ITCH: variants seen among roughly 807,000 people sequenced by gnomAD.
The protein encoded by ITCH is E3 ubiquitin-protein ligase Itchy homolog.
ITCH carries 28 observed loss-of-function variants against 126.8 expected under a neutral mutation model. The ratio of observed to expected loss-of-function variants is 0.22; its 90% CI spans 0.16 to 0.30. The LOEUF (loss-of-function observed/expected upper bound fraction) is 0.30, where lower values mean the gene tolerates loss of function less well. ITCH is among the 10% of genes least tolerant of loss of function. The probability of loss-of-function intolerance (pLI) is 1.00; values close to 1 mark genes in which losing one functional copy is unlikely to be tolerated. For missense variants in ITCH, 631 were observed against 1,032.4 expected, an observed-to-expected ratio of 0.61 and a Z score of 5.33; for synonymous variants, 342 against 340.0, an observed-to-expected ratio of 1.01 and a Z score of -0.06.
At chr20:34,372,032 C>A (rs538500362) in intron 2 of ITCH, among the ~76,000 whole-genome samples, 1 of 151,996 alleles carries the variant, frequency 6.6e-6, no homozygotes, top group African/African-American at 2.4e-5. Flanking sequence ...TTCGGCCGGC[C>A]GCGGTGGCTC....
At chr20:34,507,271 T>C (rs1990682283) in intron 24 of ITCH, among the ~76,000 whole-genome samples, 1 of 71,090 alleles carries the variant, frequency 1.4e-5, no homozygotes, top group Non-Finnish European at 3.5e-5. Flanking sequence ...CTGTTTTTTT[T>C]TTTTTTTTTT....
chr20:34,390,127 A>AG (rs1289363260), intron 2 of ITCH, among the ~76,000 whole-genome samples: 1 of 151,604 alleles, frequency 6.6e-6, no homozygotes, highest in African/African-American at 2.4e-5. Flanking sequence ...CTCAAAAAAA[A>AG]AAAGAAAAAA....
At chr20:34,419,237 T>C (rs1314017739) in intron 6 of ITCH, among the ~76,000 whole-genome samples, 1 of 152,194 alleles carries the variant, frequency 6.6e-6, no homozygotes, top group Non-Finnish European at 1.5e-5. Flanking sequence ...ATTTAATATG[T>C]GTAAGATATA....
intron 2 of ITCH, among the ~76,000 whole-genome samples, chr20:34,382,238 A>G (rs1238486822): frequency 1.3e-5 from 2 of 152,086 alleles, no homozygotes; most frequent in African/African-American, 4.8e-5. Flanking sequence ...CCTAGTATTG[A>G]GGGCTCTTGG....
chr20:34,443,999 AC>A (rs1423485403), intron 10 of ITCH, among the ~76,000 whole-genome samples: 1 of 152,102 alleles, frequency 6.6e-6, no homozygotes, highest in Non-Finnish European at 1.5e-5. Context: ...GCATCTGCCC[AC>A]CATAATTATG....
intron 7 of ITCH, among the ~76,000 whole-genome samples, chr20:34,437,662 A>G (rs1363326719): frequency 6.6e-6 from 1 of 152,166 alleles, no homozygotes; most frequent in Admixed American, 6.5e-5. Flanking sequence ...TGAAATTCCT[A>G]GGAGTATGGG....
intron 3 of ITCH, among the ~76,000 whole-genome samples, chr20:34,398,785 C>T (rs564196481): frequency 1.3e-5 from 2 of 151,836 alleles, no homozygotes; most frequent in African/African-American, 2.4e-5. Flanking sequence ...TGAGAATGCT[C>T]AAGTGTAGGG....
At chr20:34,425,111 G>C (rs1981322575) in intron 7 of ITCH, among the ~76,000 whole-genome samples, 1 of 152,200 alleles carries the variant, frequency 6.6e-6, no homozygotes, top group African/African-American at 2.4e-5. Context: ...TTGAGATGCT[G>C]TTAATCTGTA....
chr20:34,501,719 G>A (rs1394573952), intron 23 of ITCH, among the ~76,000 whole-genome samples: 2 of 147,598 alleles, frequency 1.4e-5, no homozygotes, highest in Non-Finnish European at 3.0e-5. Flanking sequence ...AGGTTGCAGT[G>A]AGCCAAGATC....
intron 23 of ITCH, among the ~76,000 whole-genome samples, chr20:34,495,282 AT>A: frequency 7.6e-6 from 1 of 130,820 alleles, no homozygotes; most frequent in African/African-American, 2.9e-5. Flanking sequence ...AAATAAATAA[AT>A]AAATAAATAA....
chr20:34,417,482 C>G (rs1177049456), intron 6 of ITCH, among the ~76,000 whole-genome samples: 1 of 151,204 alleles, frequency 6.6e-6, no homozygotes, highest in Non-Finnish European at 1.5e-5. Flanking sequence ...TCACTACAAC[C>G]TCTGCCTCCC....
intron 14 of ITCH, among the ~76,000 whole-genome samples, chr20:34,468,034 C>CTTT (rs35748150): frequency 8.2e-6 from 1 of 121,534 alleles, no homozygotes. Flanking sequence ...ACCTTGGAAA[C>CTTT]TTTTTTTTTT....
chr20:34,379,088 G>A (rs553841381), intron 2 of ITCH, among the ~76,000 whole-genome samples: 59 of 152,108 alleles, frequency 3.9e-4, no homozygotes, highest in African/African-American at 1.1e-3. Context: ...GCTGTTTTTC[G>A]TTACCCAGAA....
rs539996411 is a variant in ITCH, at chr20:34,482,458, C to T, written c.2093+1252C>T. Reference sequence around the variant, plus strand: ...GCCATTCAAGATGGGAGAAATTGGCCAAAACAAAGGAGCTACAGGCCCCAT... The same window carrying T: ...GCCATTCAAGATGGGAGAAATTGGCTAAAACAAAGGAGCTACAGGCCCCAT... On this transcript the variant is annotated intron_variant, in intron 20 of 24. Coordinates refer to ENST00000374864, the MANE Select transcript of ITCH (RefSeq NM_031483.7). Among the ~76,000 whole-genome samples the T allele has an allele frequency of 2.6e-5, 4 of 152,250 alleles. No individual in the cohort carries two copies. The South Asian group carries it at 8.3e-4, about 32-fold the overall frequency.
chr20:34,417,205 T>C (rs945563403), intron 6 of ITCH: 4 of 673,524 alleles, frequency 5.9e-6, no homozygotes, highest in African/African-American at 5.4e-5. Context: ...TAAGTGATTC[T>C]CCTATCTCAG....
At chr20:34,505,559 C>CT (rs35469496) in intron 24 of ITCH, among the ~76,000 whole-genome samples, 69,133 of 147,494 alleles carry the variant, frequency 0.47, 16,202 homozygotes, top group Middle Eastern at 0.5. Flanking sequence ...AAATATATAA[C>CT]TTTTTTTTTT....
chr20:34,438,438 C>T (rs1410944187), intron 7 of ITCH, 36 bp from the exon 8 acceptor site: 1 of 1,607,612 alleles, frequency 6.2e-7, no homozygotes, highest in Non-Finnish European at 8.5e-7. Flanking sequence ...TTCATTATTT[C>T]CCTCTCCCCC....
intron 3 of ITCH, chr20:34,402,733 A>G (rs577685486): frequency 1.0e-4 from 38 of 368,592 alleles, no homozygotes; most frequent in Admixed American, 1.1e-4. Flanking sequence ...AAATATTTCA[A>G]ATCTCATGTT....
intron 2 of ITCH, among the ~76,000 whole-genome samples, chr20:34,387,790 C>G (rs1204519935): frequency 6.6e-6 from 1 of 151,856 alleles, no homozygotes; most frequent in East Asian, 1.9e-4. Flanking sequence ...CTGTAACCTC[C>G]GCCTCCTGGG....
Sources: allele counts gnomAD v4.1 joint callset (sites outside exome capture counted in the v4.1 genomes callset), GRCh38; gene constraint gnomAD v4.1.1; transcripts MANE v1.5; gene names NCBI Gene and HGNC (gene_info 2026-07-23, HGNC 2026-07-21).